The following RRP1 variants were observed in gnomAD, a reference collection of about 807,000 sequenced individuals.
The protein encoded by RRP1 is ribosomal RNA processing protein 1 homolog A.
RRP1 carries 37 observed loss-of-function variants against 54.6 expected under a neutral mutation model. The ratio of observed to expected loss-of-function variants is 0.68; its 90% confidence interval spans 0.52 to 0.89. RRP1 has a LOEUF of 0.89. Among genes scored for constraint, RRP1 ranks in the 40% least tolerant of loss-of-function variants. The probability of loss-of-function intolerance (pLI) is 0.00; values close to 1 mark genes in which losing one functional copy is unlikely to be tolerated. For missense variants in RRP1, 639 were observed against 612.5 expected (o/e 1.04, Z -0.46); for synonymous variants, 262 against 244.3 (o/e 1.07, Z -0.67).
At position 43,797,406 on chromosome 21, in the gene RRP1, C is replaced by T. The variant is rs1046896226; in HGVS notation, c.423-16C>T. 6.2e-7 allele frequency: 1 copy of T among 1,602,420 alleles called. No individual in the cohort carries two copies. Among genetic ancestry groups the T allele is most frequent in the Non-Finnish European group, 8.5e-7 (1 of 1,176,450 alleles). On this transcript the variant is annotated splice_polypyrimidine_tract_variant and intron_variant, in intron 5 of 12. Transcript: ENST00000497547. ...TCATCGAGGCTGCCTGTCATGTTTGCTTTTTCTTTCCTCAGACAGATCGAG... is the reference window on the plus strand; with the variant it reads ...TCATCGAGGCTGCCTGTCATGTTTGTTTTTTCTTTCCTCAGACAGATCGAG...
At chr21:43,794,631 G>A (rs895570259) in intron 4 of RRP1, among the ~76,000 whole-genome samples, 2 of 152,210 alleles carry the variant, frequency 1.3e-5, no homozygotes, top group Non-Finnish European at 2.9e-5. Context: ...CTAAAGGGGG[G>A]ACAACTGCAG....
chr21:43,793,937 T>TCTCCTTCC (rs1006488264), intron 4 of RRP1, among the ~76,000 whole-genome samples: 2 of 152,236 alleles, frequency 1.3e-5, no homozygotes, highest in Non-Finnish European at 2.9e-5. Flanking sequence ...GACCTGCTTC[T>TCTCCTTCC]CTCCTTCCCT....
At position 43,797,565 on chromosome 21, in the gene RRP1, C is replaced by G. The variant is rs547882738; in HGVS notation, c.552+14C>G. On this transcript the variant is annotated intron_variant, in intron 6 of 12. Transcript: ENST00000497547. ...GGCGCCGAGGAGGTGAGGCTGGGCT[C>G]CGACGGGGCGGTGGAGCTGGGCGTT... 1.2e-6 allele frequency: 2 copies of G among 1,613,996 alleles called. No individual in the cohort carries two copies. Among genetic ancestry groups the G allele is most frequent in the African/African-American group, 2.7e-5 (2 of 75,042 alleles).
chr21:43,790,233 C>T (rs1425595727), intron 1 of RRP1, among the ~76,000 whole-genome samples: 1 of 152,204 alleles, frequency 6.6e-6, no homozygotes, highest in Non-Finnish European at 1.5e-5. Flanking sequence ...AGCGTGGTCC[C>T]CCATCAGCAG....
At position 43,800,616 on chromosome 21, in the gene RRP1, T is replaced by G. The variant is rs2123420255; in HGVS notation, c.989+2T>G. The G allele has an allele frequency of 6.2e-7, 1 of 1,613,692 alleles. No homozygotes were observed. Among genetic ancestry groups the G allele is most frequent in the Non-Finnish European group, 8.5e-7 (1 of 1,179,578 alleles). On this transcript the variant is annotated splice_donor_variant, in intron 10 of 12. Transcript: ENST00000497547. LOFTEE classifies it high-confidence loss of function. ...GCGTCTCTACAAAGTGATCCGGAAG[T>G]GAGTGTGTGAGGGCGCTGCGTCCTC...
Position 43,791,336 on chromosome 21 carries a change from C to G in RRP1, c.134-14C>G. 2 of 1,613,386 alleles carry G rather than the reference C, an allele frequency of 1.2e-6. No homozygotes were observed. Among genetic ancestry groups the G allele is most frequent in the Non-Finnish European group, 1.7e-6 (2 of 1,179,502 alleles). ...TGGGATTCATTTGGTCCAACCGTTG[C>G]TGTTTTGATGCAGGTGGTTTTACGC... On this transcript the variant is annotated splice_polypyrimidine_tract_variant and intron_variant, in intron 1 of 12. Coordinates refer to ENST00000497547, the MANE Select transcript of RRP1 (RefSeq NM_003683.6).
chr21:43,797,224 G>A, intron 5 of RRP1, 198 bp from the exon 6 acceptor site: 1 of 805,782 alleles, frequency 1.2e-6, no homozygotes, highest in Non-Finnish European at 1.9e-6. Flanking sequence ...CTCCCTAACT[G>A]CAAGACTGCC....
At chr21:43,802,226 T>A in intron 11 of RRP1, 48 bp from the exon 12 acceptor site, 1 of 1,415,236 alleles carries the variant, frequency 7.1e-7, no homozygotes, top group Non-Finnish European at 9.9e-7. Flanking sequence ...CCTCAAACCA[T>A]AAGTCCCCAG....
chr21:43,792,780 G>T, intron 3 of RRP1, 51 bp downstream of exon 3: 1 of 1,579,498 alleles, frequency 6.3e-7, no homozygotes, highest in South Asian at 1.1e-5. Flanking sequence ...CAGAACCTCT[G>T]AGCATCAGAG....
intron 3 of RRP1, 81 bp from the exon 4 acceptor site, chr21:43,793,238 G>T: frequency 8.1e-7 from 1 of 1,233,930 alleles, no homozygotes. Context: ...GTAAAGAACG[G>T]GTTCCTCCAT....
chr21:43,793,937 T>C (rs1744567964), intron 4 of RRP1, among the ~76,000 whole-genome samples: 1 of 152,118 alleles, frequency 6.6e-6, no homozygotes, highest in Admixed American at 6.6e-5. Context: ...GACCTGCTTC[T>C]CTCCTTCCCT....
rs1427322005 is a variant in RRP1 at position 43,803,756 on chromosome 21, G to A, written c.1368G>A (p.Lys456=). 3 of 1,582,954 alleles carry A rather than the reference G, an allele frequency of 1.9e-6. No individual in the cohort carries two copies. The African/African-American group carries it at 4.0e-5, about 21-fold the overall frequency. ...CCAATGTCCAGGAGCCGGAGAAGAA[G>A]AAGAAACGCAGGGAGTGATGTGGCC... ...KAANVQEPEK[K]KKRRE Residue 456 remains lysine (K), a synonymous_variant, in exon 13 of 13, where the codon AAG becomes AAA. Transcript: ENST00000497547.
At chr21:43,796,880 C>A (rs1321627456) in intron 5 of RRP1, among the ~76,000 whole-genome samples, 2 of 152,174 alleles carry the variant, frequency 1.3e-5, no homozygotes, top group Non-Finnish European at 2.9e-5. Flanking sequence ...ATCAAACCCG[C>A]CTGCCAGGGA....
chr21:43,799,932 C>T (rs908113750), intron 9 of RRP1, among the ~76,000 whole-genome samples: 1 of 152,214 alleles, frequency 6.6e-6, no homozygotes, highest in African/African-American at 2.4e-5. Flanking sequence ...CCTCACCTCA[C>T]GCTGTCCTCT....
chr21:43,789,738 G>T lies in RRP1; in HGVS notation c.109G>T (p.Val37Phe), dbSNP rs1421965956. The change falls in exon 1 of 13, where the codon GTC becomes TTC. Residue 37 changes from valine to phenylalanine, a missense_variant. Transcript: ENST00000497547. Reference protein sequence around the residue: ...RAVRKLRKYIVARTQRAAGGF... With the variant: ...RAVRKLRKYIFARTQRAAGGF... Reference sequence around the variant, plus strand: ...GGTGAGGAAGCTCCGGAAATACATCGTCGCCAGGACTCAGCGGGCCGCAGG... The same window carrying T: ...GGTGAGGAAGCTCCGGAAATACATCTTCGCCAGGACTCAGCGGGCCGCAGG... 6.5e-7 allele frequency: 1 copy of T among 1,536,588 alleles called. No individual in the cohort carries two copies. The highest frequency in any genetic ancestry group is 8.8e-7 in the Non-Finnish European group (1 of 1,141,106).
At chr21:43,797,196 G>T (rs1537119) in intron 5 of RRP1, among the ~76,000 whole-genome samples, 1 of 152,036 alleles carries the variant, frequency 6.6e-6, no homozygotes, top group African/African-American at 2.4e-5. Flanking sequence ...CGTTCTGGTG[G>T]TGGTGCTGGT....
intron 8 of RRP1, among the ~76,000 whole-genome samples, chr21:43,799,311 C>T (rs1483287036): frequency 6.6e-6 from 1 of 151,584 alleles, no homozygotes; most frequent in African/African-American, 2.4e-5. Context: ...TTTTCCTTTG[C>T]AGGCCTGAGG....
chr21:43,791,555 T>G, intron 2 of RRP1, 123 bp downstream of exon 2: 1 of 848,130 alleles, frequency 1.2e-6, no homozygotes, highest in Non-Finnish European at 1.9e-6. Flanking sequence ...CAGGCTGGAG[T>G]GCAGTGGCTC....
chr21:43,797,795 T>C (rs2085037950), intron 7 of RRP1, 100 bp downstream of exon 7: 5 of 1,571,074 alleles, frequency 3.2e-6, no homozygotes, highest in Non-Finnish European at 4.4e-6. Context: ...TGAATCTGTC[T>C]CAGAGTGGCC....
Sources: allele counts gnomAD v4.1 joint callset (sites outside exome capture counted in the v4.1 genomes callset), GRCh38; gene constraint gnomAD v4.1.1; transcripts MANE v1.5; gene names NCBI Gene and HGNC (gene_info 2026-07-23, HGNC 2026-07-21).